Variants in PPP4R2 observed in about 807,000 individuals in gnomAD.
The protein encoded by PPP4R2 is serine/threonine-protein phosphatase 4 regulatory subunit 2.
PPP4R2 carries 13 observed loss-of-function variants against 47.2 expected under a neutral mutation model. The observed-to-expected ratio is 0.28, with a 90% CI of 0.18 to 0.44. The LOEUF is 0.44. Among genes scored for constraint, PPP4R2 ranks in the 20% least tolerant of loss-of-function variants. The probability of loss-of-function intolerance (pLI) is 1.00; values close to 1 mark genes in which losing one functional copy is unlikely to be tolerated. For missense variants in PPP4R2, 421 were observed against 491.2 expected, an observed-to-expected ratio of 0.86 and a Z score of 1.35; for synonymous variants, 151 against 163.3, an observed-to-expected ratio of 0.92 and a Z score of 0.57.
chr3:73,054,112 T>C (rs1334971245), intron 3 of PPP4R2, among the ~76,000 whole-genome samples: 2 of 152,038 alleles, frequency 1.3e-5, no homozygotes, highest in South Asian at 2.1e-4. Flanking sequence ...GAGACAGGGT[T>C]TCGCCATGTT....
At chr3:73,062,747 T>C in intron 5 of PPP4R2, 1 of 1,613,998 alleles carries the variant, frequency 6.2e-7, no homozygotes, top group South Asian at 1.1e-5. Context: ...TTGGAAGACT[T>C]TCACATGGTG....
chr3:73,015,055 C>A, intron 2 of PPP4R2: 4 of 514,176 alleles, frequency 7.8e-6, no homozygotes, highest in Admixed American at 3.2e-5. Context: ...AATAAACATG[C>A]CAAAGCAAGC....
intron 2 of PPP4R2, among the ~76,000 whole-genome samples, chr3:73,030,337 A>G (rs1702145330): frequency 6.6e-6 from 1 of 152,176 alleles, no homozygotes; most frequent in South Asian, 2.1e-4. Context: ...ACATGACAGT[A>G]GGTAACTGGT....
At chr3:73,046,970 T>TGG (rs1289512575) in intron 2 of PPP4R2, among the ~76,000 whole-genome samples, 2 of 152,090 alleles carry the variant, frequency 1.3e-5, no homozygotes, top group African/African-American at 4.8e-5. Context: ...ATGAGAGATC[T>TGG]GGGTTTTGTT....
chr3:73,017,184 G>A (rs1388869480), intron 2 of PPP4R2, among the ~76,000 whole-genome samples: 1 of 152,134 alleles, frequency 6.6e-6, no homozygotes, highest in Non-Finnish European at 1.5e-5. Context: ...CTCACAAAGT[G>A]CTGGGATTAC....
chr3:73,062,082 A>G, intron 5 of PPP4R2: 3 of 1,534,544 alleles, frequency 2.0e-6, no homozygotes, highest in East Asian at 2.4e-5. Flanking sequence ...GCGACTAATA[A>G]TGGGTTATTT....
At chr3:73,031,425 C>G (rs1329691840) in intron 2 of PPP4R2, among the ~76,000 whole-genome samples, 1 of 152,004 alleles carries the variant, frequency 6.6e-6, no homozygotes, top group African/African-American at 2.4e-5. Flanking sequence ...CACCTGTAAT[C>G]CCAGCTACTC....
At chr3:73,007,328 C>G (rs773561415) in intron 2 of PPP4R2, among the ~76,000 whole-genome samples, 5 of 152,062 alleles carry the variant, frequency 3.3e-5, no homozygotes, top group Non-Finnish European at 7.4e-5. Context: ...TTTGACAAAA[C>G]AGTAAGAAAA....
intron 3 of PPP4R2, among the ~76,000 whole-genome samples, chr3:73,051,660 T>C (rs1445229981): frequency 1.2e-4 from 19 of 152,206 alleles, no homozygotes; most frequent in Admixed American, 1.2e-3. Context: ...GGAGTCTCGC[T>C]CTTTGCCCAG....
intron 2 of PPP4R2, among the ~76,000 whole-genome samples, chr3:73,006,721 T>G (rs984058428): frequency 1.3e-5 from 2 of 152,228 alleles, no homozygotes; most frequent in Non-Finnish European, 2.9e-5. Flanking sequence ...CTTCGTCTTT[T>G]CGAACTCAGA....
At chr3:72,996,770 A>G (rs749117457), upstream of PPP4R2, 9 of 335,670 alleles carry the variant, frequency 2.7e-5, no homozygotes, top group Non-Finnish European at 3.2e-5. Context: ...GCGCGGCGGG[A>G]GCGAGGACGG....
At chr3:73,008,286 T>C (rs1480154219) in intron 2 of PPP4R2, among the ~76,000 whole-genome samples, 1 of 152,186 alleles carries the variant, frequency 6.6e-6, no homozygotes, top group Non-Finnish European at 1.5e-5. Context: ...TAGATGCCCT[T>C]TTGCTTCTGT....
chr3:73,051,870 C>T (rs535526261), intron 3 of PPP4R2, among the ~76,000 whole-genome samples: 1 of 152,186 alleles, frequency 6.6e-6, no homozygotes, highest in Non-Finnish European at 1.5e-5. Flanking sequence ...TGTGACCCAC[C>T]CACCTCGGCC....
intron 2 of PPP4R2, among the ~76,000 whole-genome samples, chr3:73,032,944 CT>C (rs1702196792): frequency 6.6e-6 from 1 of 152,152 alleles, no homozygotes; most frequent in Admixed American, 6.5e-5. Flanking sequence ...GCCTTCTTAA[CT>C]GCTCCATTCT....
rs189632362 is a variant in PPP4R2 at position 72,998,008 on chromosome 3, A to T, written c.35-69A>T. 7.8e-6 allele frequency: 8 copies of T among 1,029,730 alleles called. No homozygotes were observed. The East Asian group carries it at 9.5e-5, about 12-fold the overall frequency. The allele number at this position is 1,029,730 out of a possible 1,614,324, so 63.8% of individuals were successfully genotyped here. A position where few individuals can be genotyped will look rare whatever the true frequency, so the allele number is the denominator to read the frequency against. ...TTGATTTTTAATAAGGTAAAGGACT[A>T]GGAGGAAAGTTTGTTTTTAGAGCGC... On this transcript the variant is annotated intron_variant, in intron 1 of 8. Transcript: ENST00000356692.
intron 2 of PPP4R2, chr3:73,014,779 C>G: frequency 2.5e-6 from 1 of 399,336 alleles, no homozygotes. Flanking sequence ...AAAAAAATTG[C>G]CTGTATCATT....
intron 2 of PPP4R2, among the ~76,000 whole-genome samples, chr3:73,007,039 TAG>T (rs1225082995): frequency 6.6e-6 from 1 of 152,200 alleles, no homozygotes; most frequent in Non-Finnish European, 1.5e-5. Flanking sequence ...CATAAGGTTT[TAG>T]AGAGATGAAA....
At chr3:73,013,302 T>C (rs1237340414) in intron 2 of PPP4R2, among the ~76,000 whole-genome samples, 1 of 152,238 alleles carries the variant, frequency 6.6e-6, no homozygotes, top group Non-Finnish European at 1.5e-5. Flanking sequence ...TATCTTGATA[T>C]ATGCTTTTTC....
intron 2 of PPP4R2, among the ~76,000 whole-genome samples, chr3:73,023,090 TAA>T (rs1318776477): frequency 6.6e-6 from 1 of 152,174 alleles, no homozygotes; most frequent in Non-Finnish European, 1.5e-5. Context: ...TGTGACTGTT[TAA>T]GAGATTTTGC....
Sources: allele counts gnomAD v4.1 joint callset (sites outside exome capture counted in the v4.1 genomes callset), GRCh38; gene constraint gnomAD v4.1.1; transcripts MANE v1.5; gene names NCBI Gene and HGNC (gene_info 2026-07-23, HGNC 2026-07-21).